The following SCML4 variants were observed in gnomAD, a reference collection of about 807,000 sequenced individuals.
SCML4 encodes the protein sex comb on midleg-like protein 4.
SCML4 carries 34 observed loss-of-function variants against 41.1 expected under a neutral mutation model. The ratio of observed to expected loss-of-function variants is 0.83; its 90% confidence interval spans 0.63 to 1.10. The LOEUF (loss-of-function observed/expected upper bound fraction) is 1.10. SCML4 is among the 50% of genes least tolerant of loss of function. SCML4 has a pLI of 0.00. For synonymous variants in SCML4, 214 were observed against 220.9 expected (o/e 0.97, Z 0.28); for missense variants, 522 against 534.1 (o/e 0.98, Z 0.22).
intron 1 of SCML4, among the ~76,000 whole-genome samples, chr6:107,782,560 GC>G (rs1686663587): frequency 6.6e-6 from 1 of 152,268 alleles, no homozygotes; most frequent in Non-Finnish European, 1.5e-5. Context: ...CTCTTCTCCT[GC>G]TCTTCTCTGC....
chr6:107,830,627 G>T, the SCML4 span, among the ~76,000 whole-genome samples: 1 of 152,158 alleles, frequency 6.6e-6, no homozygotes. Flanking sequence ...ATGAATGAAA[G>T]AAACTAGAAG....
intron 6 of SCML4, among the ~76,000 whole-genome samples, chr6:107,708,371 T>A (rs1773888087): frequency 6.6e-6 from 1 of 152,162 alleles, no homozygotes; most frequent in Admixed American, 6.5e-5. Context: ...CAGGGCCTCC[T>A]GAGCCTGGGT....
chr6:107,755,975 G>A (rs935103496), intron 2 of SCML4, among the ~76,000 whole-genome samples: 5 of 152,054 alleles, frequency 3.3e-5, no homozygotes, highest in Non-Finnish European at 7.4e-5. Context: ...AATAAATAAT[G>A]TAGTAATGGA....
chr6:107,761,110 A>G (rs1779548489), intron 2 of SCML4, among the ~76,000 whole-genome samples: 1 of 152,178 alleles, frequency 6.6e-6, no homozygotes, highest in South Asian at 2.1e-4. Flanking sequence ...AATGGAGAAT[A>G]TGAGAAGTTT....
intron 1 of SCML4, among the ~76,000 whole-genome samples, chr6:107,779,906 C>T (rs1027987155): frequency 1.3e-5 from 2 of 152,208 alleles, no homozygotes; most frequent in Non-Finnish European, 2.9e-5. Flanking sequence ...CCTTTACCAC[C>T]CATTGTGTGC....
intron 2 of SCML4, among the ~76,000 whole-genome samples, chr6:107,765,331 C>T (rs552448969): frequency 6.6e-6 from 1 of 152,160 alleles, no homozygotes; most frequent in Non-Finnish European, 1.5e-5. Context: ...TCTGATCCCC[C>T]AGGGGCTGGA....
At chr6:107,732,380 T>C (rs1434510766) in intron 5 of SCML4, 2 of 152,266 alleles carry the variant, frequency 1.3e-5, no homozygotes, top group Non-Finnish European at 2.9e-5. Flanking sequence ...TCTAAGGTTG[T>C]CTCTGCAGTT....
At chr6:107,809,195 T>A (rs1376791332) in intron 1 of SCML4, among the ~76,000 whole-genome samples, 2 of 152,192 alleles carry the variant, frequency 1.3e-5, no homozygotes, top group Admixed American at 1.3e-4. Flanking sequence ...CAAGGCACTG[T>A]CTTGTAAGCA....
intron 6 of SCML4, among the ~76,000 whole-genome samples, chr6:107,711,419 T>C (rs1270474259): frequency 6.6e-6 from 1 of 152,196 alleles, no homozygotes; most frequent in African/African-American, 2.4e-5. Context: ...TTCTCCAGTA[T>C]TCAGTACAGT....
chr6:107,790,237 A>G (rs1782216881), intron 1 of SCML4, among the ~76,000 whole-genome samples: 1 of 152,252 alleles, frequency 6.6e-6, no homozygotes. Context: ...ACAAGTCAAC[A>G]GTAGTATTAC....
intron 2 of SCML4, among the ~76,000 whole-genome samples, chr6:107,768,678 A>G (rs1780271513): frequency 6.6e-6 from 1 of 152,208 alleles, no homozygotes; most frequent in Admixed American, 6.5e-5. Context: ...TCAAGGATCA[A>G]ATAAGAAATA....
chr6:107,721,779 T>C (rs1775444467), intron 5 of SCML4, among the ~76,000 whole-genome samples: 1 of 152,040 alleles, frequency 6.6e-6, no homozygotes, highest in African/African-American at 2.4e-5. Context: ...CCTTTAGTCC[T>C]GATACAAACA....
chr6:107,742,140 G>A (rs1777646718), intron 5 of SCML4, among the ~76,000 whole-genome samples: 1 of 151,760 alleles, frequency 6.6e-6, no homozygotes, highest in African/African-American at 2.4e-5. Flanking sequence ...TACATTTGCT[G>A]AACTAAAACA....
At chr6:107,793,433 C>A (rs1229023079) in intron 1 of SCML4, among the ~76,000 whole-genome samples, 1 of 152,202 alleles carries the variant, frequency 6.6e-6, no homozygotes, top group African/African-American at 2.4e-5. Context: ...ACAGGACAAA[C>A]AAATGCTTAA....
intron 5 of SCML4, among the ~76,000 whole-genome samples, chr6:107,724,419 G>A (rs781071449): frequency 3.3e-5 from 5 of 152,174 alleles, no homozygotes; most frequent in Non-Finnish European, 7.4e-5. Flanking sequence ...GTTGGAACTA[G>A]TAAGTAGTTC....
chr6:107,720,449 A>T, intron 6 of SCML4: 5 of 1,179,630 alleles, frequency 4.2e-6, no homozygotes, highest in Non-Finnish European at 5.2e-6. Flanking sequence ...ATGGTATTTG[A>T]GCCTGTGTAC....
At chr6:107,844,463 C>G in the SCML4 span, among the ~76,000 whole-genome samples, 619 of 152,254 alleles carry the variant, frequency 4.1e-3, 4 homozygotes, top group African/African-American at 0.014. Context: ...GCTGGAAGGC[C>G]GAGGCTGGAG....
At chr6:107,762,945 C>T (rs1411173993) in intron 2 of SCML4, among the ~76,000 whole-genome samples, 4 of 125,230 alleles carry the variant, frequency 3.2e-5, no homozygotes, top group East Asian at 2.6e-4. Context: ...TGCAGTGACA[C>T]AATCATGACT....
chr6:107,779,041 G>A (rs1279429165), intron 1 of SCML4, among the ~76,000 whole-genome samples: 2 of 152,062 alleles, frequency 1.3e-5, no homozygotes, highest in African/African-American at 2.4e-5. Context: ...TTAGCCGGGC[G>A]TGGTGGCGGG....
Sources: gnomAD v4.1 joint callset for allele counts (sites outside exome capture counted in the v4.1 genomes callset) on GRCh38, gnomAD v4.1.1 for gene constraint, MANE v1.5 for transcripts, NCBI Gene and HGNC (gene_info 2026-07-23, HGNC 2026-07-21) for gene names.